SLC22A23: variants seen among roughly 807,000 people sequenced by gnomAD.
SLC22A23 encodes the protein ion transporter protein.
SLC22A23 carries 26 observed loss-of-function variants against 61.0 expected under a neutral mutation model. The observed-to-expected ratio is 0.43, with a 90% CI of 0.31 to 0.59. The LOEUF (loss-of-function observed/expected upper bound fraction) is 0.59. Ranked by LOEUF, SLC22A23 falls within the 20% of genes least tolerant of loss-of-function variation. The pLI is 0.11. For missense variants in SLC22A23, 796 were observed against 934.7 expected (o/e 0.85, Z 1.94); for synonymous variants, 430 against 413.9 (o/e 1.04, Z -0.47).
chr6:3,374,283 T>A (rs1766415989), intron 3 of SLC22A23, among the ~76,000 whole-genome samples: 1 of 152,266 alleles, frequency 6.6e-6, no homozygotes, highest in Non-Finnish European at 1.5e-5. Context: ...GGTATATCTT[T>A]GGGTTCCCTC....
Position 3,287,006 on chromosome 6 carries a change from C to T in SLC22A23, c.1399G>A (p.Ala467Thr), listed in dbSNP as rs772064434. 9.3e-6 allele frequency: 15 copies of T among 1,614,100 alleles called. No homozygotes were observed. Among genetic ancestry groups the T allele is most frequent in the Non-Finnish European group, 1.2e-5 (14 of 1,180,060 alleles). The change falls in exon 7 of 10, where the codon GCT becomes ACT. Residue 467 changes from alanine (A) to threonine (T), a missense_variant. Ala to Thr is a moderately conservative substitution (Grantham distance 58). Coordinates refer to ENST00000406686, the MANE Select transcript of SLC22A23 (RefSeq NM_015482.2). ...ATGCTGGCCGTGGTATAGTAGTCAG[C>T]ATAGAAGTTCTCCAGGAGCGGCACC... ...VKVPLLENFY[A>T]DYYTTASIAL... is the part of the protein sequence containing the mutation.
chr6:3,301,657 G>C (rs1272868531), intron 4 of SLC22A23, among the ~76,000 whole-genome samples: 1 of 152,146 alleles, frequency 6.6e-6, no homozygotes, highest in African/African-American at 2.4e-5. Context: ...CAACCCCTAG[G>C]GCCACGTACC....
At chr6:3,434,816 G>T (rs1213073657) in intron 1 of SLC22A23, among the ~76,000 whole-genome samples, 2 of 152,124 alleles carry the variant, frequency 1.3e-5, no homozygotes, top group Non-Finnish European at 2.9e-5. Context: ...GCATTTGATC[G>T]TATCCTCCCT....
rs1417437700 is a variant in SLC22A23, at chr6:3,414,786, A to G, written c.758+966T>C. On this transcript the variant is annotated intron_variant, in intron 2 of 9. Transcript: ENST00000406686. This position sits in a 1 kb window ranked among gnomAD's most constrained non-coding sequence, Gnocchi z 5.1. Reference sequence around the variant, plus strand: ...GAATGTAAGCTGGGGAGACAGTTACACTACGCCTCTCTCCTGAGCAATCTC... The same window carrying G: ...GAATGTAAGCTGGGGAGACAGTTACGCTACGCCTCTCTCCTGAGCAATCTC... Among the ~76,000 whole-genome samples, 2 of 151,678 alleles carry G rather than the reference A, an allele frequency of 1.3e-5. No homozygotes were observed. The highest frequency in any genetic ancestry group is 2.4e-5 in the African/African-American group (1 of 41,278).
rs1214322312 is a variant in SLC22A23 at position 3,286,123 on chromosome 6, G to T, written c.1546+736C>A. Among the ~76,000 whole-genome samples the T allele has an allele frequency of 3.3e-5, 5 of 149,286 alleles. No homozygotes were observed. The highest frequency in any genetic ancestry group is 1.2e-4 in the African/African-American group (5 of 40,480). Reference sequence around the variant, plus strand: ...AGATTTTTTTTTTTTTTTTGAGATGGAGTCTTGCTCTGTCACCCAGGCTGG... The same window carrying T: ...AGATTTTTTTTTTTTTTTTGAGATGTAGTCTTGCTCTGTCACCCAGGCTGG... On this transcript the variant is annotated intron_variant, in intron 7 of 9. Transcript: ENST00000406686. This position sits in a 1 kb window ranked among gnomAD's most constrained non-coding sequence, Gnocchi z 4.2.
chr6:3,385,023 C>A (rs1767199083), intron 3 of SLC22A23, among the ~76,000 whole-genome samples: 1 of 152,154 alleles, frequency 6.6e-6, no homozygotes, highest in African/African-American at 2.4e-5. Context: ...ATATGAGGCA[C>A]TAGTGTAGTG....
At chr6:3,301,443 C>T (rs533406137) in intron 4 of SLC22A23, among the ~76,000 whole-genome samples, 23 of 152,250 alleles carry the variant, frequency 1.5e-4, no homozygotes, top group South Asian at 4.1e-4. Flanking sequence ...AATATGACAG[C>T]GCAAGCGATT....
Position 3,456,567 on chromosome 6 carries a change from G to A in SLC22A23, c.-8C>T. 2 of 983,422 alleles carry A rather than the reference G, an allele frequency of 2.0e-6. No homozygotes were observed. Among genetic ancestry groups the A allele is most frequent in the Non-Finnish European group, 2.4e-6 (2 of 830,298 alleles). 60.9% of individuals were successfully genotyped at this position (983,422 alleles called of 1,614,324 possible). A position where few individuals can be genotyped will look rare whatever the true frequency, so the allele number is the denominator to read the frequency against. On this transcript the variant is annotated 5_prime_UTR_variant, in exon 1 of 10. Transcript: ENST00000406686. This position sits in a 1 kb window ranked among gnomAD's most constrained non-coding sequence, Gnocchi z 7.1. ...CCGCCGGTCTATGGCCATGGCCCGG[G>A]CCCGCGGCTCCCGCAGAGGCGCATA... is the stretch of plus-strand genomic sequence containing the variant.
chr6:3,392,435 C>G (rs1767723750), intron 3 of SLC22A23, among the ~76,000 whole-genome samples: 1 of 152,146 alleles, frequency 6.6e-6, no homozygotes, highest in East Asian at 1.9e-4. Flanking sequence ...ATAGACAGAT[C>G]GATGCAGGAG....
At chr6:3,284,583 C>T (rs1452669655) in intron 8 of SLC22A23, among the ~76,000 whole-genome samples, 2 of 152,038 alleles carry the variant, frequency 1.3e-5, no homozygotes, top group African/African-American at 4.8e-5. Flanking sequence ...TCCAGGGACA[C>T]GGGCGAGGGC....
At chr6:3,349,159 G>A (rs564561000) in intron 3 of SLC22A23, among the ~76,000 whole-genome samples, 23 of 152,320 alleles carry the variant, frequency 1.5e-4, no homozygotes, top group South Asian at 1.4e-3. Flanking sequence ...AACTGGCCGC[G>A]GGGCACTTCT....
At position 3,269,660 on chromosome 6, in the gene SLC22A23, C is replaced by CAG. The variant is rs4176; in HGVS notation, c.*3393_*3394dup. 130,738 of 152,790 alleles carry CAG rather than the reference C, an allele frequency of 0.86. 56,108 individuals are homozygous for CAG. Among genetic ancestry groups the CAG allele is most frequent in the Non-Finnish European group, 0.87 (59,023 of 68,016 alleles). 9.5% of individuals were successfully genotyped at this position (152,790 alleles called of 1,614,324 possible). ...AGTTTTTATATTACAACCTCAAGGA[C>CAG]AGGGAGGGAAGTGTTCGCCGCTAGA... On this transcript the variant is annotated 3_prime_UTR_variant, in exon 10 of 10. Coordinates refer to ENST00000406686, the MANE Select transcript of SLC22A23 (RefSeq NM_015482.2).
rs145626430 is a variant in SLC22A23 at position 3,302,454 on chromosome 6, T to C, written c.1083-4236A>G. 5.8e-4 allele frequency among the ~76,000 whole-genome samples: 89 copies of C among 152,342 alleles called. No individual in the cohort carries two copies. The East Asian group carries it at 0.014, about 24-fold the overall frequency. ...TGTATGATTGCTTTGATCTTTATTA[T>C]TTCTTTCCTTCTACTACTTTTAAGT... On this transcript the variant is annotated intron_variant, in intron 4 of 9. Coordinates refer to ENST00000406686, the MANE Select transcript of SLC22A23 (RefSeq NM_015482.2).
At chr6:3,392,950 C>G (rs549818137) in intron 3 of SLC22A23, among the ~76,000 whole-genome samples, 1 of 152,120 alleles carries the variant, frequency 6.6e-6, no homozygotes, top group African/African-American at 2.4e-5. Context: ...TCTAGCAGAG[C>G]AGACACACAG....
intron 3 of SLC22A23, among the ~76,000 whole-genome samples, chr6:3,401,297 C>T (rs1272992831): frequency 3.3e-5 from 5 of 152,110 alleles, no homozygotes; most frequent in African/African-American, 1.2e-4. Context: ...GAGATTGTGC[C>T]GCTGCACTCT....
Position 3,456,023 on chromosome 6 carries a change from T to C in SLC22A23, c.537A>G (p.Gly179=), listed in dbSNP as rs775536700. ...GNRSNSSGAD[G]GDTPPLPSPP... ...GGGATGGCAGGGGTGGTGTGTCGCCTCCGTCCGCGCCGCTGCTGTTGCTCC... is the reference window on the plus strand; with the variant it reads ...GGGATGGCAGGGGTGGTGTGTCGCCCCCGTCCGCGCCGCTGCTGTTGCTCC... The change falls in exon 1 of 10, where the codon GGA becomes GGG. Residue 179 remains glycine (G), a synonymous_variant. Transcript: ENST00000406686. This position sits in a 1 kb window ranked among gnomAD's most constrained non-coding sequence, Gnocchi z 7.1. 15 of 1,546,958 alleles carry C rather than the reference T, an allele frequency of 9.7e-6. No individual in the cohort carries two copies. In the South Asian group the frequency reaches 1.7e-4, roughly 17 times the overall value.
intron 3 of SLC22A23, among the ~76,000 whole-genome samples, chr6:3,396,743 G>C (rs990779049): frequency 6.6e-5 from 10 of 152,278 alleles, no homozygotes; most frequent in Non-Finnish European, 1.5e-4. Context: ...GAATTTGGTG[G>C]GGCAGTCGGA....
chr6:3,389,253 A>C (rs1478484058), intron 3 of SLC22A23, among the ~76,000 whole-genome samples: 3 of 128,562 alleles, frequency 2.3e-5, no homozygotes, highest in Non-Finnish European at 3.2e-5. Context: ...GGGCAACAAG[A>C]GCAAAACTCT....
chr6:3,360,910 C>G lies in SLC22A23; in HGVS notation c.914-36908G>C, dbSNP rs549903495. Among the ~76,000 whole-genome samples the G allele has an allele frequency of 6.6e-6, 1 of 152,336 alleles. No homozygotes were observed. Among genetic ancestry groups the G allele is most frequent in the East Asian group, 1.9e-4 (1 of 5,192 alleles). On this transcript the variant is annotated intron_variant, in intron 3 of 9. Coordinates refer to ENST00000406686, the MANE Select transcript of SLC22A23 (RefSeq NM_015482.2). This position sits in a 1 kb window ranked among gnomAD's most constrained non-coding sequence, Gnocchi z 4.6. ...GGGTGGGGAACAGGTGCAGCAGGAACAGAAGGTCAGAGCGTGGTACTGGGG... is the reference window on the plus strand; with the variant it reads ...GGGTGGGGAACAGGTGCAGCAGGAAGAGAAGGTCAGAGCGTGGTACTGGGG...
Sources: allele counts gnomAD v4.1 joint callset (sites outside exome capture counted in the v4.1 genomes callset), GRCh38; gene constraint gnomAD v4.1.1; non-coding constraint Gnocchi (gnomAD v3.1); transcripts MANE v1.5; gene names NCBI Gene and HGNC (gene_info 2026-07-23, HGNC 2026-07-21).